The following AEBP2 variants were observed in gnomAD, a reference collection of about 807,000 sequenced individuals.
AEBP2 encodes the protein AE binding protein 2, also known as zinc finger protein AEBP2.
In AEBP2, 10 loss-of-function variants were observed where a neutral mutation model predicts 50.8. The observed-to-expected ratio is 0.20, with a 90% CI of 0.12 to 0.33. The LOEUF (loss-of-function observed/expected upper bound fraction) is 0.33, where lower values mean the gene tolerates loss of function less well. AEBP2 is among the 10% of genes least tolerant of loss of function. The pLI is 1.00. For synonymous variants in AEBP2, 296 were observed against 261.3 expected, an observed-to-expected ratio of 1.13 and a Z score of -1.28; for missense variants, 570 against 688.0, an observed-to-expected ratio of 0.83 and a Z score of 1.92.
At chr12:19,432,386 G>A (rs888093389) in intron 1 of AEBP2, among the ~76,000 whole-genome samples, 2 of 152,150 alleles carry the variant, frequency 1.3e-5, no homozygotes, top group African/African-American at 4.8e-5. Context: ...TATGACTTTG[G>A]CTGTTTTGTT....
Position 19,514,725 on chromosome 12 carries a change from A to G in AEBP2, c.1422A>G (p.Val474=), listed in dbSNP as rs1358744276. ...AACGACATCAGTTAAAAACTAAAGT[A>G]GTTCATTTATCAAAGCTACCCAAAG... The part of the protein sequence containing the change: ...ESERHQLKTK[V]VHLSKLPKDT... The change falls in exon 7 of 8, where the codon GTA becomes GTG. Residue 474 remains valine, a synonymous_variant. Transcript: ENST00000266508. 8.7e-6 allele frequency: 14 copies of G among 1,611,802 alleles called. No individual in the cohort carries two copies. The highest frequency in any genetic ancestry group is 1.1e-5 in the Non-Finnish European group (13 of 1,179,110).
At chr12:19,441,570 C>G (rs1947960302) in intron 1 of AEBP2, among the ~76,000 whole-genome samples, 1 of 152,062 alleles carries the variant, frequency 6.6e-6, no homozygotes, top group Non-Finnish European at 1.5e-5. Flanking sequence ...TGATTAAAAA[C>G]GAACACCTTA....
At chr12:19,491,002 A>T (rs969533988) in intron 3 of AEBP2, among the ~76,000 whole-genome samples, 2 of 152,236 alleles carry the variant, frequency 1.3e-5, no homozygotes, top group Admixed American at 6.5e-5. Context: ...ATATTAATTT[A>T]AATGAAATAA....
At chr12:19,512,729 G>A (rs1051457155) in intron 6 of AEBP2, among the ~76,000 whole-genome samples, 1 of 151,374 alleles carries the variant, frequency 6.6e-6, no homozygotes, top group African/African-American at 2.4e-5. Context: ...TGGGAGGCTG[G>A]GGGAGGCCGG....
chr12:19,500,020 GTTAA>G, intron 4 of AEBP2, 73 bp from the exon 5 acceptor site: 1 of 1,309,872 alleles, frequency 7.6e-7, no homozygotes, highest in African/African-American at 1.5e-5. Context: ...ATATGTATTT[GTTAA>G]TTGTTTCCAT....
intron 1 of AEBP2, among the ~76,000 whole-genome samples, chr12:19,432,742 G>A (rs1340362043): frequency 6.6e-6 from 1 of 152,028 alleles, no homozygotes; most frequent in Non-Finnish European, 1.5e-5. Flanking sequence ...ATCCTGGTAG[G>A]TGTCTGCAGT....
chr12:19,512,899 GATC>G lies in AEBP2; in HGVS notation c.1367+437_1367+439del, dbSNP rs1453091218. Among the ~76,000 whole-genome samples, 3 of 152,146 alleles carry G rather than the reference GATC, an allele frequency of 2.0e-5. 1 individual carries two copies. Among genetic ancestry groups the G allele is most frequent in the South Asian group, 2.1e-4 (1 of 4,820 alleles). On this transcript the variant is annotated intron_variant, in intron 6 of 7. Transcript: ENST00000266508. Reference sequence around the variant, plus strand: ...GGAGGCAAAGGTTGCAGTGAGCCGAGATCATGCCACTGCATTCTAGCCTGGGTA... The same window carrying G: ...GGAGGCAAAGGTTGCAGTGAGCCGAGATGCCACTGCATTCTAGCCTGGGTA...
intron 5 of AEBP2, among the ~76,000 whole-genome samples, chr12:19,507,200 A>T (rs534455318): frequency 6.6e-6 from 1 of 152,370 alleles, no homozygotes; most frequent in African/African-American, 2.4e-5. Flanking sequence ...TTTGGGGCTT[A>T]CCAAACATTT....
At chr12:19,407,905 T>C (rs997846593) in intron 1 of AEBP2, among the ~76,000 whole-genome samples, 12 of 151,728 alleles carry the variant, frequency 7.9e-5, no homozygotes, top group Admixed American at 2.0e-4. Flanking sequence ...AAAAAACTTA[T>C]CCCGGCTAGG....
intron 7 of AEBP2, 143 bp downstream of exon 7, chr12:19,514,927 A>AT: frequency 1.6e-6 from 1 of 635,464 alleles, no homozygotes; most frequent in Non-Finnish European, 2.7e-6. Context: ...TTTTTTTTGG[A>AT]TGTGGACTCA....
chr12:19,461,267 A>C (rs1469898064), intron 1 of AEBP2, among the ~76,000 whole-genome samples: 1 of 152,140 alleles, frequency 6.6e-6, no homozygotes, highest in Non-Finnish European at 1.5e-5. Flanking sequence ...GATTGAAGTG[A>C]CTTTCATGTA....
intron 1 of AEBP2, among the ~76,000 whole-genome samples, chr12:19,444,240 T>C (rs955286955): frequency 1.5e-4 from 23 of 152,348 alleles, no homozygotes; most frequent in Non-Finnish European, 2.6e-4. Flanking sequence ...TATGGTTGAA[T>C]GAATGAGTCA....
intron 1 of AEBP2, among the ~76,000 whole-genome samples, chr12:19,423,833 T>C (rs1023949886): frequency 6.6e-6 from 1 of 151,892 alleles, no homozygotes; most frequent in Non-Finnish European, 1.5e-5. Context: ...AGAGTGAGAT[T>C]CTGTCTCAAA....
chr12:19,488,194 G>A (rs1006130226), intron 3 of AEBP2, among the ~76,000 whole-genome samples: 1 of 150,766 alleles, frequency 6.6e-6, no homozygotes, highest in African/African-American at 2.4e-5. Flanking sequence ...TATAGTCTCA[G>A]CTCACTGCAA....
intron 5 of AEBP2, among the ~76,000 whole-genome samples, chr12:19,509,820 CTTTTTTTTTTTTTTTTT>C (rs57103167): frequency 1.5e-5 from 1 of 68,746 alleles, no homozygotes; most frequent in Non-Finnish European, 2.6e-5. Flanking sequence ...TGGCTACTTT[CTTTTTTTTTTTTTTTTT>C]TTTTTTTTTG....
chr12:19,478,115 T>G (rs1342208748), intron 3 of AEBP2, among the ~76,000 whole-genome samples: 2 of 152,236 alleles, frequency 1.3e-5, no homozygotes, highest in African/African-American at 4.8e-5. Flanking sequence ...GTCACTTTTG[T>G]CTTTTCAAAG....
intron 3 of AEBP2, among the ~76,000 whole-genome samples, chr12:19,487,321 C>A (rs1360246814): frequency 6.6e-6 from 1 of 151,708 alleles, no homozygotes; most frequent in Non-Finnish European, 1.5e-5. Flanking sequence ...ACATAAAATT[C>A]AACATTTTTA....
chr12:19,432,119 G>C (rs529876897), intron 1 of AEBP2, among the ~76,000 whole-genome samples: 1 of 152,144 alleles, frequency 6.6e-6, no homozygotes, highest in Admixed American at 6.6e-5. Context: ...ACTCATTTTA[G>C]TGGAAGAGAG....
At chr12:19,471,965 G>T (rs937116510) in intron 2 of AEBP2, among the ~76,000 whole-genome samples, 1 of 152,142 alleles carries the variant, frequency 6.6e-6, no homozygotes. Context: ...AGGAGGAAAC[G>T]TTATGACTTC....
Sources: gnomAD v4.1 joint callset for allele counts (sites outside exome capture counted in the v4.1 genomes callset) on GRCh38, gnomAD v4.1.1 for gene constraint, MANE v1.5 for transcripts, NCBI Gene and HGNC (gene_info 2026-07-23, HGNC 2026-07-21) for gene names.